CD6: variants seen among roughly 807,000 people sequenced by gnomAD.
CD6 encodes T-cell differentiation antigen CD6.
CD6 carries 53 observed loss-of-function variants against 75.3 expected under a neutral mutation model. That is an observed-to-expected ratio of 0.70 (90% CI 0.56 to 0.88). The LOEUF (loss-of-function observed/expected upper bound fraction) is 0.88, where lower values mean the gene tolerates loss of function less well. CD6 is among the 40% of genes least tolerant of loss of function. The pLI, the probability that CD6 is intolerant of heterozygous loss-of-function variation, is 0.00. For synonymous variants in CD6, 359 were observed against 381.5 expected (o/e 0.94, Z 0.69); for missense variants, 770 against 897.1 (o/e 0.86, Z 1.81).
At position 60,994,509 on chromosome 11, in the gene CD6, G is replaced by A. The variant is rs184993187; in HGVS notation, c.50-12065G>A. ...TGACCTGAGTGACTGCAGTCCTCTG[G>A]GACTGGGACTCTTTGAGCCTTAACT... On this transcript the variant is annotated intron_variant, in intron 1 of 12. Transcript: ENST00000313421. Among the ~76,000 whole-genome samples, 496 of 146,730 alleles carry A rather than the reference G, an allele frequency of 3.4e-3. 3 individuals are homozygous for A. Among genetic ancestry groups the A allele is most frequent in the African/African-American group, 0.012 (473 of 39,806 alleles).
chr11:61,011,565 T>C (rs1427410333), intron 6 of CD6, among the ~76,000 whole-genome samples: 2 of 152,236 alleles, frequency 1.3e-5, no homozygotes, highest in Non-Finnish European at 2.9e-5. Context: ...TAGGGCTTTA[T>C]AGCCATTATT....
chr11:60,978,234 G>A (rs145990693), intron 1 of CD6, among the ~76,000 whole-genome samples: 6 of 152,338 alleles, frequency 3.9e-5, no homozygotes, highest in East Asian at 1.9e-4. Context: ...TGGGCATGGT[G>A]TCCCCTGACA....
intron 9 of CD6, 86 bp downstream of exon 9, chr11:61,015,921 C>T: frequency 6.7e-7 from 1 of 1,487,676 alleles, no homozygotes; most frequent in Non-Finnish European, 9.2e-7. Flanking sequence ...GTAGTCCCAC[C>T]TAGTAACCCC....
intron 1 of CD6, among the ~76,000 whole-genome samples, chr11:60,996,025 G>A (rs1858280239): frequency 1.3e-5 from 2 of 152,198 alleles, no homozygotes; most frequent in Admixed American, 1.3e-4. Flanking sequence ...CAGGATGTTG[G>A]ATTCCAACCC....
Position 61,007,498 on chromosome 11 carries a change from G to C in CD6, c.119-62G>C. ...AAGTTCACGCACAGAGTCAGTGGCAGAGCCTGGGCAACCCTCTGCCCAGGC... is the reference window on the plus strand; with the variant it reads ...AAGTTCACGCACAGAGTCAGTGGCACAGCCTGGGCAACCCTCTGCCCAGGC... On this transcript the variant is annotated intron_variant, in intron 2 of 12. Coordinates refer to ENST00000313421, the MANE Select transcript of CD6 (RefSeq NM_006725.5). The surrounding 1 kb of genome is among the most constrained non-coding windows in gnomAD (Gnocchi z 4.2). 7.9e-7 allele frequency: 1 copy of C among 1,270,716 alleles called. No homozygotes were observed. The highest frequency in any genetic ancestry group is 1.0e-6 in the Non-Finnish European group (1 of 970,636). The allele number at this position is 1,270,716 out of a possible 1,614,324, so 78.7% of individuals were successfully genotyped here.
intron 1 of CD6, among the ~76,000 whole-genome samples, chr11:60,998,830 ATT>A (rs1197649216): frequency 1.4e-5 from 2 of 147,874 alleles, no homozygotes; most frequent in African/African-American, 2.5e-5. Flanking sequence ...ATTTGAAAAA[ATT>A]AGAACAACAC....
intron 1 of CD6, among the ~76,000 whole-genome samples, chr11:60,978,880 A>C (rs1857462712): frequency 6.6e-6 from 1 of 152,242 alleles, no homozygotes; most frequent in Non-Finnish European, 1.5e-5. Flanking sequence ...ATGCATCTGA[A>C]AATAGCCGAA....
chr11:61,016,117 A>G (rs1859393060), intron 9 of CD6, among the ~76,000 whole-genome samples: 1 of 152,202 alleles, frequency 6.6e-6, no homozygotes, highest in Non-Finnish European at 1.5e-5. Flanking sequence ...GGCCTTTGAC[A>G]TTCACCTGAA....
At chr11:60,996,600 G>A (rs1420358081) in intron 1 of CD6, among the ~76,000 whole-genome samples, 1 of 152,206 alleles carries the variant, frequency 6.6e-6, no homozygotes, top group East Asian at 1.9e-4. Flanking sequence ...GGGACAAAAG[G>A]CCAGTCTTCA....
chr11:60,994,103 A>G (rs1590691449), intron 1 of CD6, among the ~76,000 whole-genome samples: 1 of 152,200 alleles, frequency 6.6e-6, no homozygotes, highest in East Asian at 1.9e-4. Context: ...CACACAGGTG[A>G]ACATCATCTG....
At chr11:60,980,463 C>T (rs1857519821) in intron 1 of CD6, among the ~76,000 whole-genome samples, 1 of 152,040 alleles carries the variant, frequency 6.6e-6, no homozygotes, top group South Asian at 2.1e-4. Flanking sequence ...GATCTCACCA[C>T]TGCACTCCAG....
At position 61,007,828 on chromosome 11, in the gene CD6, C is replaced by A; in HGVS notation, c.387C>A (p.Cys129Ter). 1.4e-6 allele frequency: 2 copies of A among 1,450,494 alleles called. No individual in the cohort carries two copies. The highest frequency in any genetic ancestry group is 2.7e-5 in the Admixed American group (1 of 36,778). 89.9% of individuals were successfully genotyped at this position (1,450,494 alleles called of 1,614,324 possible). A position where few individuals can be genotyped will look rare whatever the true frequency, so the allele number is the denominator to read the frequency against. The part of the protein sequence containing the change: ...ATLAGAPALL[C>*]SGAEWRLCEV... ...TGGCCGGGGCGCCCGCCCTCCTGTG[C>A]AGCGGCGCCGAGTGGCGGCTCTGCG... The change falls in exon 3 of 13, where the codon TGC (cysteine) becomes TGA (stop). Residue 129 changes from cysteine (C) to a stop codon, truncating the protein, a stop_gained. Transcript: ENST00000313421. LOFTEE classifies it high-confidence loss of function. The surrounding 1 kb of genome is among the most constrained non-coding windows in gnomAD (Gnocchi z 4.2).
chr11:60,980,242 C>T (rs955992321), intron 1 of CD6, among the ~76,000 whole-genome samples: 3 of 152,152 alleles, frequency 2.0e-5, no homozygotes, highest in Admixed American at 6.5e-5. Flanking sequence ...GGATTTCAGC[C>T]CTTTCTGGTG....
chr11:61,006,346 T>A (rs1858856852), intron 1 of CD6, among the ~76,000 whole-genome samples: 1 of 152,192 alleles, frequency 6.6e-6, no homozygotes, highest in Admixed American at 6.5e-5. Flanking sequence ...TTTCTGAAGC[T>A]GTGTGTGCAA....
At chr11:60,972,887 T>G (rs1223421507) in intron 1 of CD6, among the ~76,000 whole-genome samples, 1 of 152,204 alleles carries the variant, frequency 6.6e-6, no homozygotes, top group Non-Finnish European at 1.5e-5. Flanking sequence ...AGGCATGTGT[T>G]CCGAGCCTGT....
intron 1 of CD6, 56 bp from the exon 2 acceptor site, chr11:61,006,518 T>G: frequency 7.0e-7 from 1 of 1,429,068 alleles, no homozygotes; most frequent in Non-Finnish European, 9.6e-7. Context: ...AGGGTGTCTC[T>G]GTGGTCTCCA....
intron 2 of CD6, 50 bp downstream of exon 2, chr11:61,006,692 T>C (rs977275239): frequency 6.9e-7 from 1 of 1,449,832 alleles, no homozygotes; most frequent in Non-Finnish European, 9.5e-7. Context: ...CTGTAGGTGG[T>C]CCCCCAGGGT....
intron 1 of CD6, among the ~76,000 whole-genome samples, chr11:60,983,790 T>C (rs1358307851): frequency 4.6e-5 from 7 of 152,256 alleles, no homozygotes; most frequent in Non-Finnish European, 8.8e-5. Flanking sequence ...AAAGAAATTT[T>C]GTTCAGTATG....
At chr11:61,019,128 G>A (rs1284308983) in intron 12 of CD6, 126 bp from the exon 13 acceptor site, 2 of 654,160 alleles carry the variant, frequency 3.1e-6, no homozygotes, top group Non-Finnish European at 5.4e-6. Context: ...GAAGCAAGAT[G>A]ATCAGATGGC....
Sources: allele counts gnomAD v4.1 joint callset (sites outside exome capture counted in the v4.1 genomes callset), GRCh38; gene constraint gnomAD v4.1.1; non-coding constraint Gnocchi (gnomAD v3.1); transcripts MANE v1.5; gene names NCBI Gene and HGNC (gene_info 2026-07-23, HGNC 2026-07-21).